The following AAK1 variants were observed in gnomAD, a reference collection of about 807,000 sequenced individuals.
The protein encoded by AAK1 is AP2-associated protein kinase 1.
A neutral mutation model predicts 116.0 loss-of-function variants in AAK1; 37 were observed. The observed-to-expected ratio is 0.32, with a 90% CI of 0.25 to 0.42. The LOEUF (loss-of-function observed/expected upper bound fraction) is 0.42, where lower values mean the gene tolerates loss of function less well. AAK1 is among the 10% of genes least tolerant of loss of function. The pLI, the probability that AAK1 is intolerant of heterozygous loss-of-function variation, is 1.00. For synonymous variants in AAK1, 458 were observed against 439.9 expected, an observed-to-expected ratio of 1.04 and a Z score of -0.51; for missense variants, 919 against 1,170.6, an observed-to-expected ratio of 0.79 and a Z score of 3.14.
chr2:69,643,065 A>G lies in AAK1; in HGVS notation c.-25T>C, dbSNP rs1369964722. On this transcript the variant is annotated 5_prime_UTR_variant, in exon 2 of 22. Coordinates refer to ENST00000409085, the MANE Select transcript of AAK1 (RefSeq NM_014911.5). Reference sequence around the variant, plus strand: ...TCTTGCGAATAGGGAGCAGCAAAGCAAAATACCGATGGTTTCTAGATTTTT... The same window carrying G: ...TCTTGCGAATAGGGAGCAGCAAAGCGAAATACCGATGGTTTCTAGATTTTT... The G allele has an allele frequency of 1.3e-6, 2 of 1,535,334 alleles. No homozygotes were observed. Among genetic ancestry groups the G allele is most frequent in the Admixed American group, 2.4e-5 (1 of 42,082 alleles).
At chr2:69,576,422 TACAG>T (rs1315780186) in intron 2 of AAK1, among the ~76,000 whole-genome samples, 1 of 152,124 alleles carries the variant, frequency 6.6e-6, no homozygotes, top group Non-Finnish European at 1.5e-5. Flanking sequence ...GGGTTTGTTG[TACAG>T]ATCATTTCAT....
At chr2:69,629,327 C>G (rs1202491772) in intron 2 of AAK1, among the ~76,000 whole-genome samples, 3 of 152,206 alleles carry the variant, frequency 2.0e-5, no homozygotes, top group Non-Finnish European at 4.4e-5. Flanking sequence ...TCAGTAATAT[C>G]TGAGTTTTTG....
Position 69,472,382 on chromosome 2 carries a change from T to C in AAK1, c.*3487A>G, listed in dbSNP as rs955887162. 15 of 222,462 alleles carry C rather than the reference T, an allele frequency of 6.7e-5. No homozygotes were observed. Among genetic ancestry groups the C allele is most frequent in the Admixed American group, 2.0e-4 (3 of 15,358 alleles). The allele number at this position is 222,462 out of a possible 1,614,324, so 13.8% of individuals were successfully genotyped here. A position where few individuals can be genotyped will look rare whatever the true frequency, so the allele number is the denominator to read the frequency against. ...TTAAATAATATAGCTGATTTTCTTA[T>C]ACCTTATTACCTTCCTTGATATTAT... On this transcript the variant is annotated 3_prime_UTR_variant, in exon 22 of 22. Coordinates refer to ENST00000409085, the MANE Select transcript of AAK1 (RefSeq NM_014911.5).
chr2:69,629,700 CT>C (rs1675077224), intron 2 of AAK1, among the ~76,000 whole-genome samples: 1 of 152,188 alleles, frequency 6.6e-6, no homozygotes, highest in African/African-American at 2.4e-5. Flanking sequence ...TTAATTAGTA[CT>C]GATTTACTGT....
At chr2:69,643,510 C>G in intron 1 of AAK1, 65 bp downstream of exon 1, 1 of 1,223,870 alleles carries the variant, frequency 8.2e-7, no homozygotes. Context: ...CCCTCCCGGG[C>G]ACTGCCTCCC....
At position 69,535,344 on chromosome 2, in the gene AAK1, C is replaced by T. The variant is rs752977427; in HGVS notation, c.535-3182G>A. Among the ~76,000 whole-genome samples, 87 of 152,120 alleles carry T rather than the reference C, an allele frequency of 5.7e-4. 1 individual carries two copies. Among genetic ancestry groups the T allele is most frequent in the Non-Finnish European group, 1.6e-4 (11 of 68,022 alleles). On this transcript the variant is annotated intron_variant, in intron 5 of 21. Transcript: ENST00000409085. Reference sequence around the variant, plus strand: ...ATATAACTCCTATATACACCCATTACGTACCCACAAAAATTAAAAACTAAA... The same window carrying T: ...ATATAACTCCTATATACACCCATTATGTACCCACAAAAATTAAAAACTAAA...
intron 2 of AAK1, among the ~76,000 whole-genome samples, chr2:69,640,302 TCCA>T (rs148187460): frequency 0.032 from 4,841 of 152,098 alleles, 256 homozygotes; most frequent in African/African-American, 0.11. Flanking sequence ...AATCTCCATT[TCCA>T]ACAAGCTCGC....
chr2:69,474,365 T>C lies in AAK1; in HGVS notation c.*1504A>G. On this transcript the variant is annotated 3_prime_UTR_variant, in exon 22 of 22. Transcript: ENST00000409085. Reference sequence around the variant, plus strand: ...AGTGGGGTTCTCTGTGCCCACTTCTTTTCAAAAGGGTGATTTTATAAAAGT... The same window carrying C: ...AGTGGGGTTCTCTGTGCCCACTTCTCTTCAAAAGGGTGATTTTATAAAAGT... 2.0e-6 allele frequency: 2 copies of C among 985,824 alleles called. No individual in the cohort carries two copies. The highest frequency in any genetic ancestry group is 2.4e-6 in the Non-Finnish European group (2 of 829,920). 61.1% of individuals were successfully genotyped at this position (985,824 alleles called of 1,614,324 possible).
intron 2 of AAK1, among the ~76,000 whole-genome samples, chr2:69,603,132 A>G (rs1182107500): frequency 6.6e-6 from 1 of 152,270 alleles, no homozygotes; most frequent in Non-Finnish European, 1.5e-5. Context: ...TTAGAAATTC[A>G]ATAAAGAGGC....
Position 69,643,281 on chromosome 2 carries a change from T to G in AAK1, c.-234-7A>C. On this transcript the variant is annotated splice_polypyrimidine_tract_variant and splice_region_variant and intron_variant, in intron 1 of 21. Coordinates refer to ENST00000409085, the MANE Select transcript of AAK1 (RefSeq NM_014911.5). The stretch of plus-strand genomic sequence containing the variant: ...GATTCGTGTAAGTTTAAACCTGTGA[T>G]GACAGAGGAAGAAAGAGAGGATGAA... The G allele has an allele frequency of 2.2e-6, 3 of 1,383,720 alleles. No individual in the cohort carries two copies. Among genetic ancestry groups the G allele is most frequent in the South Asian group, 1.8e-5 (1 of 54,930 alleles). The allele number at this position is 1,383,720 out of a possible 1,614,324, so 85.7% of individuals were successfully genotyped here. A position where few individuals can be genotyped will look rare whatever the true frequency, so the allele number is the denominator to read the frequency against.
intron 10 of AAK1, among the ~76,000 whole-genome samples, chr2:69,523,459 G>T (rs1669878833): frequency 6.6e-6 from 1 of 152,200 alleles, no homozygotes; most frequent in Non-Finnish European, 1.5e-5. Flanking sequence ...AAATATTAAA[G>T]AACTTTTTAA....
At chr2:69,481,119 C>CA in intron 18 of AAK1, 158 bp from the exon 19 acceptor site, 1 of 578,224 alleles carries the variant, frequency 1.7e-6, no homozygotes, top group Non-Finnish European at 2.9e-6. Context: ...ACCTTGGCCT[C>CA]CCAAAGTCCT....
In AAK1 at chr2:69,493,158, C is replaced by CAAAAAAAAAAAAAAAAAAAAAAAAA. The variant is rs574490585; in HGVS notation, c.2365+2826_2365+2827insTTTTTTTTTTTTTTTTTTTTTTTTT. 1.0e-3 allele frequency among the ~76,000 whole-genome samples: 38 copies of CAAAAAAAAAAAAAAAAAAAAAAAAA among 37,548 alleles called. 1 individual carries two copies. Among genetic ancestry groups the CAAAAAAAAAAAAAAAAAAAAAAAAA allele is most frequent in the South Asian group, 4.1e-3 (3 of 734 alleles). 24.6% of individuals were successfully genotyped at this position (37,548 alleles called of 152,430 possible). A position where few individuals can be genotyped will look rare whatever the true frequency, so the allele number is the denominator to read the frequency against. The stretch of plus-strand genomic sequence containing the variant: ...TGGGCGACAGAGCGAGACTCCGTCT[C>CAAAAAAAAAAAAAAAAAAAAAAAAA]AAAAAAAAAAAAAAAAAAAGGATGC... On this transcript the variant is annotated intron_variant, in intron 17 of 21. Transcript: ENST00000409085.
chr2:69,525,517 T>G (rs1669985247), intron 9 of AAK1, among the ~76,000 whole-genome samples: 1 of 152,242 alleles, frequency 6.6e-6, no homozygotes, highest in Non-Finnish European at 1.5e-5. Flanking sequence ...AGACAGATCT[T>G]CGTTCGAGCT....
In AAK1 at chr2:69,463,997, G is replaced by A. The variant is rs186030993; in HGVS notation, c.*11872C>T. 6 of 152,562 alleles carry A rather than the reference G, an allele frequency of 3.9e-5. No individual in the cohort carries two copies. Among genetic ancestry groups the A allele is most frequent in the African/African-American group, 7.2e-5 (3 of 41,490 alleles). 9.5% of individuals were successfully genotyped at this position (152,562 alleles called of 1,614,324 possible). ...TAATAAAGGGTATGAAAAAAGCTAG[G>A]AATAAGTCAGATCTTTCCAGAAATA... On this transcript the variant is annotated 3_prime_UTR_variant, in exon 22 of 22. Coordinates refer to ENST00000409085, the MANE Select transcript of AAK1 (RefSeq NM_014911.5).
intron 2 of AAK1, among the ~76,000 whole-genome samples, chr2:69,631,227 C>T (rs1675159041): frequency 6.6e-6 from 1 of 152,124 alleles, no homozygotes; most frequent in Admixed American, 6.5e-5. Context: ...TGCTCAGTAC[C>T]AAAAGGACAA....
Position 69,467,884 on chromosome 2 carries a change from A to G in AAK1, c.*7985T>C. The G allele has an allele frequency of 2.0e-6, 2 of 985,304 alleles. No individual in the cohort carries two copies. The highest frequency in any genetic ancestry group is 9.4e-5 in the South Asian group (2 of 21,284). 61.0% of individuals were successfully genotyped at this position (985,304 alleles called of 1,614,324 possible). On this transcript the variant is annotated 3_prime_UTR_variant, in exon 22 of 22. Coordinates refer to ENST00000409085, the MANE Select transcript of AAK1 (RefSeq NM_014911.5). ...GTCTGAACATTTTATAAGATACTGT[A>G]CAAAAATACTATGTTTCTCTGAATC...
chr2:69,576,233 A>T (rs908091401), intron 2 of AAK1, among the ~76,000 whole-genome samples: 61 of 152,200 alleles, frequency 4.0e-4, no homozygotes, highest in African/African-American at 1.4e-3. Context: ...AATATACAAT[A>T]TACAATGATT....
intron 2 of AAK1, among the ~76,000 whole-genome samples, chr2:69,591,811 C>T (rs559220523): frequency 3.9e-5 from 6 of 152,178 alleles, no homozygotes; most frequent in South Asian, 4.1e-4. Flanking sequence ...CCTCGTGATC[C>T]GCCCGCCTCA....
Sources: allele counts gnomAD v4.1 joint callset (sites outside exome capture counted in the v4.1 genomes callset), GRCh38; gene constraint gnomAD v4.1.1; transcripts MANE v1.5; gene names NCBI Gene and HGNC (gene_info 2026-07-23, HGNC 2026-07-21).